The following GLS variants were observed in gnomAD, a reference collection of about 807,000 sequenced individuals.
GLS encodes the protein glutaminase.
Under a neutral mutation model 86.7 loss-of-function variants are expected in GLS, and 36 were observed. The observed-to-expected ratio is 0.42, with a 90% CI of 0.32 to 0.55. The LOEUF is 0.55. Ranked by LOEUF, GLS falls within the 20% of genes least tolerant of loss-of-function variation. The pLI, the probability that GLS is intolerant of heterozygous loss-of-function variation, is 0.17. For missense variants in GLS, 528 were observed against 833.4 expected (o/e 0.63, Z 4.51); for synonymous variants, 317 against 305.9 (o/e 1.04, Z -0.38).
chr2:190,961,727 A>G (rs1001225024), intron 17 of GLS, among the ~76,000 whole-genome samples: 5 of 147,380 alleles, frequency 3.4e-5, no homozygotes, highest in African/African-American at 7.5e-5. Flanking sequence ...AGATACATGT[A>G]AAGTTTTACT....
At chr2:190,958,852 T>G (rs1690925651) in intron 17 of GLS, among the ~76,000 whole-genome samples, 2 of 152,154 alleles carry the variant, frequency 1.3e-5, no homozygotes, top group Non-Finnish European at 2.9e-5. Flanking sequence ...GTTGGCCAAT[T>G]TTAGAATAAG....
chr2:190,942,067 C>CTTTTTTTT (rs3036653), intron 14 of GLS, among the ~76,000 whole-genome samples: 2,214 of 38,058 alleles, frequency 0.058, 809 homozygotes, highest in Non-Finnish European at 0.1. Context: ...ACTTTGAAGA[C>CTTTTTTTT]TTTTTTTTTT....
chr2:190,899,235 A>G (rs187652563), intron 3 of GLS, among the ~76,000 whole-genome samples: 478 of 152,268 alleles, frequency 3.1e-3, no homozygotes, highest in African/African-American at 0.01. Context: ...TATTGAAACT[A>G]TCTGAAAATG....
chr2:190,895,800 A>G lies in GLS; in HGVS notation c.605+75A>G, dbSNP rs538911238. ...GATTCTGCTTTTAAAACAAAATTGC[A>G]TCTTTGAAGGCCACTGCTTCCTGTG... On this transcript the variant is annotated intron_variant, in intron 3 of 17. Coordinates refer to ENST00000320717, the MANE Select transcript of GLS (RefSeq NM_014905.5). The surrounding 1 kb of genome is among the most constrained non-coding windows in gnomAD (Gnocchi z 4.2). 6.9e-6 allele frequency: 8 copies of G among 1,165,258 alleles called. No individual in the cohort carries two copies. In the East Asian group the frequency reaches 1.2e-4, roughly 18 times the overall value. 72.2% of individuals were successfully genotyped at this position (1,165,258 alleles called of 1,614,324 possible).
chr2:190,955,720 G>A lies in GLS; in HGVS notation c.1853+902G>A, dbSNP rs1284267169. Among the ~76,000 whole-genome samples the A allele has an allele frequency of 1.3e-5, 2 of 152,168 alleles. No individual in the cohort carries two copies. The highest frequency in any genetic ancestry group is 4.8e-5 in the African/African-American group (2 of 41,430). ...AATCACCACACTGTCTTCCACAATG[G>A]TTGAACTAATTTACACTCCCACTAA... On this transcript the variant is annotated intron_variant, in intron 17 of 17. Transcript: ENST00000320717. This position sits in a 1 kb window ranked among gnomAD's most constrained non-coding sequence, Gnocchi z 5.6.
chr2:190,961,558 A>G (rs563592915), intron 17 of GLS, among the ~76,000 whole-genome samples: 2 of 152,314 alleles, frequency 1.3e-5, no homozygotes, highest in Admixed American at 6.5e-5. Context: ...AAAAAAGGTA[A>G]CACGCAGTTG....
At chr2:190,882,264 C>A (rs1688228197) in intron 1 of GLS, among the ~76,000 whole-genome samples, 1 of 152,164 alleles carries the variant, frequency 6.6e-6, no homozygotes, top group East Asian at 1.9e-4. Flanking sequence ...AGTGAAAAAT[C>A]TGAGTTGAGT....
At chr2:190,919,136 A>G (rs1346158486) in intron 7 of GLS, among the ~76,000 whole-genome samples, 1 of 152,138 alleles carries the variant, frequency 6.6e-6, no homozygotes, top group African/African-American at 2.4e-5. Flanking sequence ...AAAATGCACT[A>G]TCTGTGAAAC....
In GLS at chr2:190,954,238, CA is replaced by C. The variant is rs1690801005; in HGVS notation, c.1713-344del. 6.6e-6 allele frequency among the ~76,000 whole-genome samples: 1 copy of C among 151,864 alleles called. No homozygotes were observed. Among genetic ancestry groups the C allele is most frequent in the Non-Finnish European group, 1.5e-5 (1 of 67,990 alleles). ...AGAATGGGAGTCTTAGTAAAACATACAACTTTACTATAGGGATTAGTTTCTT... is the reference window on the plus strand; with the variant it reads ...AGAATGGGAGTCTTAGTAAAACATACACTTTACTATAGGGATTAGTTTCTT... On this transcript the variant is annotated intron_variant, in intron 15 of 17. Transcript: ENST00000320717. This position sits in a 1 kb window ranked among gnomAD's most constrained non-coding sequence, Gnocchi z 4.0.
chr2:190,934,311 T>C (rs1690201145), intron 14 of GLS: 1 of 963,620 alleles, frequency 1.0e-6, no homozygotes, highest in African/African-American at 1.8e-5. Context: ...TGTCTTAAGT[T>C]TGGGAACTGT....
In GLS at chr2:190,907,319, G is replaced by A. The variant is rs564005192; in HGVS notation, c.979+2152G>A. On this transcript the variant is annotated intron_variant, in intron 6 of 17. Transcript: ENST00000320717. ...TGCAGTGGCGCAATCTCGGCTCGGC[G>A]CAATCTCGGCTCACCGCAACCTCCG... Among the ~76,000 whole-genome samples, 11 of 150,366 alleles carry A rather than the reference G, an allele frequency of 7.3e-5. No homozygotes were observed. In the East Asian group the frequency reaches 1.2e-3, roughly 16 times the overall value.
At chr2:190,893,021 T>C (rs1436669833) in intron 1 of GLS, among the ~76,000 whole-genome samples, 1 of 152,230 alleles carries the variant, frequency 6.6e-6, no homozygotes, top group Non-Finnish European at 1.5e-5. Flanking sequence ...GATAAATACA[T>C]AGAAAGCTTA....
Position 190,924,052 on chromosome 2 carries a change from A to C in GLS, c.1197+69A>C. On this transcript the variant is annotated intron_variant, in intron 10 of 17. Transcript: ENST00000320717. The surrounding 1 kb of genome is among the most constrained non-coding windows in gnomAD (Gnocchi z 5.2). Reference sequence around the variant, plus strand: ...ATAAAATACATGAAGATGTATGCTAAGAATTCAACAATAGCCTTTAAGCAA... The same window carrying C: ...ATAAAATACATGAAGATGTATGCTACGAATTCAACAATAGCCTTTAAGCAA... 1.2e-6 allele frequency: 1 copy of C among 831,796 alleles called. No homozygotes were observed. The allele number at this position is 831,796 out of a possible 1,614,324, so 51.5% of individuals were successfully genotyped here.
chr2:190,881,042 G>A lies in GLS; in HGVS notation c.-43G>A, dbSNP rs906385430. ...CGAGGAAACCGGCCGCCCACGCCCG[G>A]AGCATCCTCCCCTGTTGAGCGGGCG... On this transcript the variant is annotated 5_prime_UTR_variant, in exon 1 of 18. Transcript: ENST00000320717. 9 of 1,526,876 alleles carry A rather than the reference G, an allele frequency of 5.9e-6. No individual in the cohort carries two copies. The highest frequency in any genetic ancestry group is 2.5e-5 in the East Asian group (1 of 40,202). The allele number at this position is 1,526,876 out of a possible 1,614,324, so 94.6% of individuals were successfully genotyped here. A position where few individuals can be genotyped will look rare whatever the true frequency, so the allele number is the denominator to read the frequency against.
chr2:190,934,631 C>T, intron 14 of GLS: 2 of 984,204 alleles, frequency 2.0e-6, no homozygotes, highest in Non-Finnish European at 2.4e-6. Flanking sequence ...TAAATTGTTA[C>T]ATTTTACCAT....
rs1368238791 is a variant in GLS at position 190,897,409 on chromosome 2, A to C, written c.605+1684A>C. Among the ~76,000 whole-genome samples the C allele has an allele frequency of 2.0e-5, 3 of 152,206 alleles. No homozygotes were observed. Among genetic ancestry groups the C allele is most frequent in the Admixed American group, 6.5e-5 (1 of 15,282 alleles). ...TTAAGCCAGGGAACTGCAAACATTA[A>C]ATTTTCTGCCTGCAATTAAGAGATA... On this transcript the variant is annotated intron_variant, in intron 3 of 17. Coordinates refer to ENST00000320717, the MANE Select transcript of GLS (RefSeq NM_014905.5). This position sits in a 1 kb window ranked among gnomAD's most constrained non-coding sequence, Gnocchi z 4.3.
Position 190,935,488 on chromosome 2 carries a change from A to G in GLS, c.1650+3851A>G, listed in dbSNP as rs887616887. 6.6e-6 allele frequency among the ~76,000 whole-genome samples: 1 copy of G among 151,358 alleles called. No individual in the cohort carries two copies. The highest frequency in any genetic ancestry group is 6.6e-5 in the Admixed American group (1 of 15,178). The stretch of plus-strand genomic sequence containing the variant: ...GCTTTATTTGATTTTTTAAAATGCA[A>G]TATAGCATTAGTGGTTTTTTTGGGA... On this transcript the variant is annotated intron_variant, in intron 14 of 17. Coordinates refer to ENST00000320717, the MANE Select transcript of GLS (RefSeq NM_014905.5). This position sits in a 1 kb window ranked among gnomAD's most constrained non-coding sequence, Gnocchi z 4.2.
chr2:190,952,540 G>A (rs1456658023), intron 14 of GLS, among the ~76,000 whole-genome samples: 1 of 152,208 alleles, frequency 6.6e-6, no homozygotes, highest in East Asian at 1.9e-4. Flanking sequence ...AATTTGGAAG[G>A]TTCATGGGTT....
rs1689433023 is a variant in GLS at position 190,913,769 on chromosome 2, A to G, written c.1038+3448A>G. ...TCATGTTAGAAATAGTAAAAGTTAC[A>G]CTGTCTTCTATGTTTTTACCTCTCA... On this transcript the variant is annotated intron_variant, in intron 7 of 17. Coordinates refer to ENST00000320717, the MANE Select transcript of GLS (RefSeq NM_014905.5). This position sits in a 1 kb window ranked among gnomAD's most constrained non-coding sequence, Gnocchi z 6.1. The G allele has an allele frequency of 1.1e-5, 11 of 975,540 alleles. No homozygotes were observed. The highest frequency in any genetic ancestry group is 1.3e-5 in the Non-Finnish European group (11 of 821,012). 60.4% of individuals were successfully genotyped at this position (975,540 alleles called of 1,614,324 possible). A position where few individuals can be genotyped will look rare whatever the true frequency, so the allele number is the denominator to read the frequency against.
Sources: gnomAD v4.1 joint callset for allele counts (sites outside exome capture counted in the v4.1 genomes callset) on GRCh38, gnomAD v4.1.1 for gene constraint, Gnocchi (gnomAD v3.1) non-coding constraint, MANE v1.5 for transcripts, NCBI Gene and HGNC (gene_info 2026-07-23, HGNC 2026-07-21) for gene names.